Variants in EPHA5 observed in about 807,000 individuals in gnomAD.
EPHA5 encodes ephrin type-A receptor 5.
A neutral mutation model predicts 105.0 loss-of-function variants in EPHA5; 60 were observed. The observed-to-expected ratio is 0.57, with a 90% CI of 0.46 to 0.71. The LOEUF is 0.71. EPHA5 is among the 30% of genes least tolerant of loss of function. The pLI is 0.00. For missense variants in EPHA5, 1,218 were observed against 1,274.7 expected (o/e 0.96, Z 0.68); for synonymous variants, 513 against 449.1 (o/e 1.14, Z -1.80).
intron 7 of EPHA5, among the ~76,000 whole-genome samples, chr4:65,408,525 C>T (rs181254451): frequency 1.6e-3 from 240 of 151,094 alleles, no homozygotes; most frequent in African/African-American, 5.3e-3. Context: ...AAAAAGTGGG[C>T]GAAGGACATG....
At chr4:65,448,146 A>G (rs1387143425) in intron 5 of EPHA5, among the ~76,000 whole-genome samples, 1 of 151,990 alleles carries the variant, frequency 6.6e-6, no homozygotes, top group African/African-American at 2.4e-5. Flanking sequence ...AAGATGATGT[A>G]TAAACTGTGA....
At chr4:65,622,625 T>C (rs1213165998) in intron 2 of EPHA5, among the ~76,000 whole-genome samples, 2 of 152,108 alleles carry the variant, frequency 1.3e-5, no homozygotes, top group African/African-American at 4.8e-5. Flanking sequence ...ATGCCAATTT[T>C]TGGTATTATA....
chr4:65,632,539 A>C (rs2149493505), intron 2 of EPHA5, among the ~76,000 whole-genome samples: 2 of 151,272 alleles, frequency 1.3e-5, no homozygotes, highest in South Asian at 2.1e-4. Flanking sequence ...TTTCAGCAAA[A>C]AAAAAAAAAA....
At chr4:65,328,529 C>T (rs890870291) in intron 16 of EPHA5, among the ~76,000 whole-genome samples, 1 of 151,218 alleles carries the variant, frequency 6.6e-6, no homozygotes, top group Non-Finnish European at 1.5e-5. Flanking sequence ...ATCACTGGTA[C>T]TTAGCCCCAA....
In EPHA5 at chr4:65,462,815, C is replaced by T. The variant is rs142220436; in HGVS notation, c.1402+27562G>A. On this transcript the variant is annotated intron_variant, in intron 5 of 16. Transcript: ENST00000613740. Reference sequence around the variant, plus strand: ...AAATTCAGGGTTGGAGAAACAGACTCTAACCTCATGATGAAAGACCTTTAA... The same window carrying T: ...AAATTCAGGGTTGGAGAAACAGACTTTAACCTCATGATGAAAGACCTTTAA... Among the ~76,000 whole-genome samples the T allele has an allele frequency of 1.7e-3, 253 of 152,240 alleles. 1 individual carries two copies. Among genetic ancestry groups the T allele is most frequent in the African/African-American group, 5.7e-3 (236 of 41,560 alleles).
chr4:65,597,447 C>T (rs1245935725), intron 3 of EPHA5, among the ~76,000 whole-genome samples: 1 of 96,554 alleles, frequency 1.0e-5, no homozygotes, highest in African/African-American at 3.3e-5. Context: ...TTTTTGCTAA[C>T]CATTTTTTAC....
chr4:65,364,009 T>C (rs1328777983), intron 11 of EPHA5, among the ~76,000 whole-genome samples: 1 of 151,594 alleles, frequency 6.6e-6, no homozygotes, highest in Non-Finnish European at 1.5e-5. Flanking sequence ...CTTGCCTTTC[T>C]TTAGCAATTT....
At chr4:65,609,630 G>A (rs1456316546) in intron 2 of EPHA5, among the ~76,000 whole-genome samples, 4 of 138,984 alleles carry the variant, frequency 2.9e-5, no homozygotes, top group African/African-American at 7.8e-5. Flanking sequence ...CAACCTGGAG[G>A]AAAAAAATCA....
intron 16 of EPHA5, among the ~76,000 whole-genome samples, chr4:65,326,184 T>C (rs1720065002): frequency 6.6e-6 from 1 of 150,972 alleles, no homozygotes; most frequent in Non-Finnish European, 1.5e-5. Flanking sequence ...AACCCTATGA[T>C]ACAGATTTTT....
At chr4:65,524,393 C>A (rs1328414677) in intron 3 of EPHA5, among the ~76,000 whole-genome samples, 1 of 151,660 alleles carries the variant, frequency 6.6e-6, no homozygotes, top group Non-Finnish European at 1.5e-5. Flanking sequence ...TTTTTATACT[C>A]TAACAAACAC....
At chr4:65,579,595 A>C (rs1741416335) in intron 3 of EPHA5, among the ~76,000 whole-genome samples, 1 of 151,754 alleles carries the variant, frequency 6.6e-6, no homozygotes, top group African/African-American at 2.4e-5. Context: ...GTTATTTCTC[A>C]TTGTATTTGT....
rs1437954710 is a variant in EPHA5 at position 65,326,602 on chromosome 4, A to AT, written c.2946-2384_2946-2383insA. ...TAGATGTGCATATTCATGGGTGTTC[A>AT]CTAGCAAACTGGATCACAGCCAAGA... On this transcript the variant is annotated intron_variant, in intron 16 of 16. Coordinates refer to ENST00000613740, the MANE Select transcript of EPHA5 (RefSeq NM_001281766.3). Among the ~76,000 whole-genome samples the AT allele has an allele frequency of 8.6e-5, 13 of 151,458 alleles. No homozygotes were observed. In the East Asian group the frequency reaches 2.1e-3, roughly 25 times the overall value.
intron 16 of EPHA5, among the ~76,000 whole-genome samples, chr4:65,325,464 C>A: frequency 1.0e-5 from 1 of 99,270 alleles, no homozygotes; most frequent in South Asian, 3.6e-4. Flanking sequence ...AAGCAGCTAC[C>A]CCCCCAAAAA....
chr4:65,416,659 A>G (rs192519600), intron 6 of EPHA5, among the ~76,000 whole-genome samples: 1 of 152,286 alleles, frequency 6.6e-6, no homozygotes, highest in Admixed American at 6.5e-5. Flanking sequence ...GTGATCTAAT[A>G]TCAATTGCAG....
At chr4:65,572,837 C>A (rs1341413745) in intron 3 of EPHA5, among the ~76,000 whole-genome samples, 1 of 150,112 alleles carries the variant, frequency 6.7e-6, no homozygotes, top group Non-Finnish European at 1.5e-5. Flanking sequence ...TTGAGACCAG[C>A]CTGGCCAACA....
At chr4:65,414,250 G>A in intron 7 of EPHA5, 34 bp downstream of exon 7, 2 of 1,604,166 alleles carry the variant, frequency 1.2e-6, no homozygotes, top group Non-Finnish European at 1.7e-6. Flanking sequence ...AACCATTACT[G>A]AGACATGAGC....
intron 5 of EPHA5, among the ~76,000 whole-genome samples, chr4:65,452,733 TG>T (rs1727188386): frequency 6.6e-6 from 1 of 152,140 alleles, no homozygotes; most frequent in South Asian, 2.1e-4. Flanking sequence ...TCCTTAAATT[TG>T]AAAGAACTAA....
chr4:65,662,966 A>G (rs1210910597), intron 1 of EPHA5, among the ~76,000 whole-genome samples: 2 of 152,168 alleles, frequency 1.3e-5, no homozygotes, highest in African/African-American at 4.8e-5. Flanking sequence ...TGAGAGACAC[A>G]GAGGAAAGAA....
At chr4:65,333,263 T>G (rs1720816009) in intron 15 of EPHA5, among the ~76,000 whole-genome samples, 1 of 151,618 alleles carries the variant, frequency 6.6e-6, no homozygotes, top group Admixed American at 6.6e-5. Context: ...CACAAATACC[T>G]TTCTCTCTAC....
Sources: allele counts gnomAD v4.1 joint callset (sites outside exome capture counted in the v4.1 genomes callset), GRCh38; gene constraint gnomAD v4.1.1; transcripts MANE v1.5; gene names NCBI Gene and HGNC (gene_info 2026-07-23, HGNC 2026-07-21).